MFHAS1: variants seen among roughly 807,000 people sequenced by gnomAD.
MFHAS1 encodes multifunctional ROCO family signaling regulator 1.
A neutral mutation model predicts 70.4 loss-of-function variants in MFHAS1; 50 were observed. The ratio of observed to expected loss-of-function variants is 0.71; its 90% CI spans 0.57 to 0.90. The LOEUF (loss-of-function observed/expected upper bound fraction) is 0.90. Ranked by LOEUF, MFHAS1 falls within the 40% of genes least tolerant of loss-of-function variation. The pLI, the probability that MFHAS1 is intolerant of heterozygous loss-of-function variation, is 0.00. For missense variants in MFHAS1, 1,795 were observed against 1,347.6 expected, an observed-to-expected ratio of 1.33 and a Z score of -5.20; for synonymous variants, 952 against 620.0, an observed-to-expected ratio of 1.54 and a Z score of -7.96.
chr8:8,853,423 T>C (rs547424010), intron 1 of MFHAS1, among the ~76,000 whole-genome samples: 1 of 151,216 alleles, frequency 6.6e-6, no homozygotes, highest in East Asian at 1.9e-4. Context: ...CAACTATTTT[T>C]GTTAGTTAAC....
chr8:8,785,735 GA>G lies in MFHAS1; in HGVS notation c.*286del, dbSNP rs1805517203. The G allele has an allele frequency of 2.8e-6, 1 of 355,952 alleles. No individual in the cohort carries two copies. Among genetic ancestry groups the G allele is most frequent in the Non-Finnish European group, 4.9e-6 (1 of 202,998 alleles). 22.0% of individuals were successfully genotyped at this position (355,952 alleles called of 1,614,324 possible). A position where few individuals can be genotyped will look rare whatever the true frequency, so the allele number is the denominator to read the frequency against. On this transcript the variant is annotated 3_prime_UTR_variant, in exon 3 of 3. Transcript: ENST00000276282. ...AAACAAAATCCCTGAGAAGCCATTC[GA>G]CTTTTTTTTTTTTTTTTTCTTTTCT...
intron 1 of MFHAS1, among the ~76,000 whole-genome samples, chr8:8,841,008 C>T (rs979421997): frequency 5.0e-4 from 76 of 152,260 alleles, no homozygotes; most frequent in African/African-American, 1.7e-3. Flanking sequence ...AGCCCCATCA[C>T]ATGTAATATT....
intron 2 of MFHAS1, among the ~76,000 whole-genome samples, chr8:8,792,303 C>A (rs1805745124): frequency 6.6e-6 from 1 of 151,336 alleles, no homozygotes. Context: ...CTGAAAGTGA[C>A]ACTAAAAATA....
At chr8:8,853,729 G>T (rs1325510854) in intron 1 of MFHAS1, among the ~76,000 whole-genome samples, 1 of 152,086 alleles carries the variant, frequency 6.6e-6, no homozygotes, top group Non-Finnish European at 1.5e-5. Flanking sequence ...ACCACTCCTG[G>T]CAAATTTTGT....
chr8:8,789,500 C>A (rs1805657881), intron 2 of MFHAS1, among the ~76,000 whole-genome samples: 1 of 152,158 alleles, frequency 6.6e-6, no homozygotes, highest in Non-Finnish European at 1.5e-5. Flanking sequence ...CCCCCGAGTC[C>A]TCCCAGGTTA....
At chr8:8,865,960 C>G (rs533821944) in intron 1 of MFHAS1, among the ~76,000 whole-genome samples, 2 of 152,368 alleles carry the variant, frequency 1.3e-5, no homozygotes, top group African/African-American at 4.8e-5. Flanking sequence ...TTGGCCTACT[C>G]TCCTGACAGT....
intron 1 of MFHAS1, among the ~76,000 whole-genome samples, chr8:8,863,393 G>A (rs963594661): frequency 1.3e-5 from 2 of 152,084 alleles, no homozygotes; most frequent in Non-Finnish European, 2.9e-5. Context: ...ATTAACAGTG[G>A]CTCCTTGCAC....
chr8:8,818,422 T>C (rs1328804824), intron 1 of MFHAS1, among the ~76,000 whole-genome samples: 1 of 152,192 alleles, frequency 6.6e-6, no homozygotes, highest in African/African-American at 2.4e-5. Flanking sequence ...GAGATTTCTA[T>C]TTTTCTACGA....
At chr8:8,860,557 G>A (rs778172271) in intron 1 of MFHAS1, among the ~76,000 whole-genome samples, 4 of 152,144 alleles carry the variant, frequency 2.6e-5, no homozygotes, top group African/African-American at 7.2e-5. Flanking sequence ...GGAATTCCCC[G>A]GGGCTCTTCC....
intron 1 of MFHAS1, among the ~76,000 whole-genome samples, chr8:8,879,288 C>G (rs932660891): frequency 1.6e-4 from 24 of 152,172 alleles, no homozygotes; most frequent in African/African-American, 5.1e-4. Context: ...GAGGCGGAAG[C>G]TGCAGTGAGC....
chr8:8,893,553 T>A lies in MFHAS1; in HGVS notation c.-495A>T, dbSNP rs1312263252. ...CGGGGAGGGGGCGGCGGCGCCTCCT[T>A]GTCTCCGTTTCCCCGGGCTCGGGCG... is the stretch of plus-strand genomic sequence containing the variant. On this transcript the variant is annotated 5_prime_UTR_variant, in exon 1 of 3. Transcript: ENST00000276282. 1 of 145,822 alleles carries A rather than the reference T, an allele frequency of 6.9e-6. No individual in the cohort carries two copies. The highest frequency in any genetic ancestry group is 2.0e-4 in the East Asian group (1 of 5,008). 9.0% of individuals were successfully genotyped at this position (145,822 alleles called of 1,614,324 possible).
At chr8:8,855,257 T>G (rs921052235) in intron 1 of MFHAS1, among the ~76,000 whole-genome samples, 1 of 152,172 alleles carries the variant, frequency 6.6e-6, no homozygotes, top group Admixed American at 6.5e-5. Flanking sequence ...TCAGCCGACA[T>G]CCTGTATTTT....
chr8:8,857,422 T>G (rs977220909), intron 1 of MFHAS1, among the ~76,000 whole-genome samples: 1 of 152,142 alleles, frequency 6.6e-6, no homozygotes, highest in Non-Finnish European at 1.5e-5. Flanking sequence ...GGTCCTTTCT[T>G]TTTTCCTCCA....
intron 1 of MFHAS1, among the ~76,000 whole-genome samples, chr8:8,878,118 C>G (rs989020747): frequency 6.6e-6 from 1 of 152,184 alleles, no homozygotes; most frequent in Non-Finnish European, 1.5e-5. Context: ...CACCTTACCT[C>G]CACCTGACCA....
chr8:8,829,098 G>A lies in MFHAS1; in HGVS notation c.2999-31607C>T, dbSNP rs141260475. Among the ~76,000 whole-genome samples the A allele has an allele frequency of 6.0e-4, 91 of 152,280 alleles. No homozygotes were observed. The Middle Eastern group carries it at 0.01, about 17-fold the overall frequency. On this transcript the variant is annotated intron_variant, in intron 1 of 2. Transcript: ENST00000276282. ...ATCCAGCCCCCTGCCCACTTTCCCA[G>A]CTCCTTGCTACTTTAACATAAGGAA...
intron 1 of MFHAS1, among the ~76,000 whole-genome samples, chr8:8,855,413 G>A (rs578041585): frequency 5.3e-5 from 8 of 152,368 alleles, no homozygotes; most frequent in Admixed American, 1.3e-4. Context: ...CTTTCCAAGC[G>A]CTTTCAAGAA....
At position 8,829,254 on chromosome 8, in the gene MFHAS1, G is replaced by A. The variant is rs557142810; in HGVS notation, c.2999-31763C>T. On this transcript the variant is annotated intron_variant, in intron 1 of 2. Coordinates refer to ENST00000276282, the MANE Select transcript of MFHAS1 (RefSeq NM_004225.3). ...CAGATTCCAACTCAGTATGTGTACC[G>A]GGCTGCACCCCCACCTGGAGGTCCT... 1.2e-4 allele frequency among the ~76,000 whole-genome samples: 18 copies of A among 152,280 alleles called. 1 individual carries two copies. The highest frequency in any genetic ancestry group is 3.9e-4 in the East Asian group (2 of 5,178).
chr8:8,828,505 G>A (rs1326787119), intron 1 of MFHAS1, among the ~76,000 whole-genome samples: 3 of 152,138 alleles, frequency 2.0e-5, no homozygotes, highest in Non-Finnish European at 4.4e-5. Context: ...CAGAAAGAAG[G>A]TAACAGCCCG....
intron 1 of MFHAS1, among the ~76,000 whole-genome samples, chr8:8,831,252 T>C (rs888592874): frequency 4.6e-5 from 7 of 152,028 alleles, no homozygotes; most frequent in Admixed American, 2.6e-4. Context: ...ATCTCCAATA[T>C]ACATTGGGGG....
Sources: gnomAD v4.1 joint callset for allele counts (sites outside exome capture counted in the v4.1 genomes callset) on GRCh38, gnomAD v4.1.1 for gene constraint, MANE v1.5 for transcripts, NCBI Gene and HGNC (gene_info 2026-07-23, HGNC 2026-07-21) for gene names.